Variants in LCMT1 observed in about 807,000 individuals in gnomAD.
The protein encoded by LCMT1 is leucine carboxyl methyltransferase 1.
In LCMT1, 32 loss-of-function variants were observed where a neutral mutation model predicts 47.7. That is an observed-to-expected ratio of 0.67 (90% confidence interval 0.51 to 0.90). The LOEUF is 0.90. Ranked by LOEUF, LCMT1 falls within the 40% of genes least tolerant of loss-of-function variation. The probability of loss-of-function intolerance (pLI) is 0.00; values close to 1 mark genes in which losing one functional copy is unlikely to be tolerated. For synonymous variants in LCMT1, 152 were observed against 149.7 expected (o/e 1.02, Z -0.11); for missense variants, 375 against 415.2 (o/e 0.90, Z 0.84).
chr16:25,122,522 T>A (rs1960023698), intron 1 of LCMT1, among the ~76,000 whole-genome samples: 1 of 151,948 alleles, frequency 6.6e-6, no homozygotes, highest in Non-Finnish European at 1.5e-5. Flanking sequence ...AGAGATGGGG[T>A]CTTACTTTGT....
intron 9 of LCMT1, among the ~76,000 whole-genome samples, chr16:25,174,228 A>G (rs1373821369): frequency 6.6e-6 from 1 of 152,196 alleles, no homozygotes; most frequent in East Asian, 1.9e-4. Flanking sequence ...TGTATGTTTA[A>G]AAGTTTACAT....
chr16:25,136,876 A>G (rs1178252140), intron 3 of LCMT1, among the ~76,000 whole-genome samples: 9 of 152,142 alleles, frequency 5.9e-5, no homozygotes, highest in Admixed American at 5.2e-4. Flanking sequence ...TGCCTTTTGT[A>G]AGCTTTCTCT....
chr16:25,159,987 A>T (rs1474000997), intron 5 of LCMT1, among the ~76,000 whole-genome samples: 1 of 149,672 alleles, frequency 6.7e-6, no homozygotes, highest in Non-Finnish European at 1.5e-5. Flanking sequence ...TTTAACTGAG[A>T]TGGAGCCTCA....
chr16:25,166,698 G>A (rs1473525218), intron 7 of LCMT1, among the ~76,000 whole-genome samples: 2 of 152,120 alleles, frequency 1.3e-5, no homozygotes, highest in African/African-American at 2.4e-5. Flanking sequence ...CCAGTGTCAC[G>A]TAATTATGGA....
chr16:25,168,670 C>G (rs560293891), intron 7 of LCMT1, among the ~76,000 whole-genome samples: 1 of 152,280 alleles, frequency 6.6e-6, no homozygotes, highest in South Asian at 2.1e-4. Context: ...CTGTACTTCA[C>G]TTTTCAAGAG....
At chr16:25,129,301 GAAA>G (rs199746649) in intron 2 of LCMT1, among the ~76,000 whole-genome samples, 1 of 138,298 alleles carries the variant, frequency 7.2e-6, no homozygotes, top group Non-Finnish European at 1.6e-5. Context: ...GAGTAAAAAA[GAAA>G]AAAAAAAGAA....
intron 6 of LCMT1, among the ~76,000 whole-genome samples, chr16:25,162,112 C>T (rs1328769004): frequency 2.0e-5 from 3 of 152,084 alleles, no homozygotes; most frequent in African/African-American, 7.2e-5. Flanking sequence ...ATAGCAGTTC[C>T]ACTTTCGTGG....
intron 1 of LCMT1, 144 bp downstream of exon 1, chr16:25,112,140 C>T (rs1208900242): frequency 1.4e-6 from 1 of 707,994 alleles, no homozygotes; most frequent in Non-Finnish European, 2.6e-6. Flanking sequence ...CTGTGAAGTG[C>T]ACGGAGCAGG....
intron 1 of LCMT1, among the ~76,000 whole-genome samples, chr16:25,114,457 C>G (rs2141619456): frequency 6.6e-6 from 1 of 152,274 alleles, no homozygotes; most frequent in East Asian, 1.9e-4. Context: ...TAGGTTTACA[C>G]TAACTCCATT....
intron 7 of LCMT1, among the ~76,000 whole-genome samples, chr16:25,165,235 A>G (rs1961552544): frequency 6.6e-6 from 1 of 152,214 alleles, no homozygotes; most frequent in Non-Finnish European, 1.5e-5. Context: ...GAAGTTGGAA[A>G]TGCAGGATTT....
intron 5 of LCMT1, among the ~76,000 whole-genome samples, chr16:25,156,628 G>A (rs983296618): frequency 1.3e-5 from 2 of 152,210 alleles, no homozygotes; most frequent in African/African-American, 4.8e-5. Context: ...CGGGTGGCAG[G>A]AGGTGCGTGC....
At chr16:25,134,291 G>A (rs1243940428) in intron 3 of LCMT1, among the ~76,000 whole-genome samples, 1 of 149,098 alleles carries the variant, frequency 6.7e-6, no homozygotes, top group Non-Finnish European at 1.5e-5. Flanking sequence ...TCAACAGAGT[G>A]TGGGTATTTC....
chr16:25,149,354 A>G (rs543114178), intron 4 of LCMT1, among the ~76,000 whole-genome samples: 269 of 152,284 alleles, frequency 1.8e-3, no homozygotes, highest in Middle Eastern at 3.4e-3. Flanking sequence ...GCTGTAAATC[A>G]GTTGTTCAGT....
At chr16:25,120,648 C>T (rs1349483548) in intron 1 of LCMT1, among the ~76,000 whole-genome samples, 6 of 151,678 alleles carry the variant, frequency 4.0e-5, no homozygotes, top group Non-Finnish European at 5.9e-5. Context: ...AGTCTGTTCT[C>T]GAACTCCTGA....
At chr16:25,151,684 G>A (rs1250191940) in intron 5 of LCMT1, 69 bp downstream of exon 5, 2 of 1,143,368 alleles carry the variant, frequency 1.7e-6, no homozygotes, top group African/African-American at 3.5e-5. Flanking sequence ...TTTGAAGATG[G>A]GGTTTGTGTT....
chr16:25,152,739 C>T (rs935339313), intron 5 of LCMT1, among the ~76,000 whole-genome samples: 43 of 152,110 alleles, frequency 2.8e-4, no homozygotes, highest in African/African-American at 9.7e-4. Context: ...CAGTTCTGTC[C>T]CCACGACTCT....
chr16:25,117,404 A>G (rs1327319859), intron 1 of LCMT1, among the ~76,000 whole-genome samples: 6 of 152,066 alleles, frequency 3.9e-5, no homozygotes, highest in Admixed American at 2.6e-4. Flanking sequence ...TGATCTGCTC[A>G]CTCTAGCCTG....
intron 3 of LCMT1, among the ~76,000 whole-genome samples, chr16:25,136,731 G>A (rs1960516535): frequency 6.6e-6 from 1 of 151,936 alleles, no homozygotes; most frequent in Admixed American, 6.6e-5. Context: ...TAGAGATGGG[G>A]TTTTACCATG....
intron 9 of LCMT1, among the ~76,000 whole-genome samples, chr16:25,173,515 C>T (rs895821621): frequency 1.3e-5 from 2 of 152,208 alleles, no homozygotes; most frequent in Non-Finnish European, 2.9e-5. Flanking sequence ...CAGACACACA[C>T]GTGTTCACAC....
Sources: allele counts gnomAD v4.1 joint callset (sites outside exome capture counted in the v4.1 genomes callset), GRCh38; gene constraint gnomAD v4.1.1; transcripts MANE v1.5; gene names NCBI Gene and HGNC (gene_info 2026-07-23, HGNC 2026-07-21).